The following UBE2V2 variants were observed in gnomAD, a reference collection of about 807,000 sequenced individuals.
UBE2V2 encodes ubiquitin-conjugating enzyme E2 variant 2.
A neutral mutation model predicts 17.2 loss-of-function variants in UBE2V2; 9 were observed. The observed-to-expected ratio is 0.52, with a 90% CI of 0.32 to 0.91. UBE2V2 has a LOEUF of 0.91. UBE2V2 is among the 40% of genes least tolerant of loss of function. The pLI, the probability that UBE2V2 is intolerant of heterozygous loss-of-function variation, is 0.04. For missense variants in UBE2V2, 133 were observed against 182.6 expected, an observed-to-expected ratio of 0.73 and a Z score of 1.56; for synonymous variants, 61 against 57.5, an observed-to-expected ratio of 1.06 and a Z score of -0.28.
chr8:48,020,878 C>T (rs2091299835), intron 1 of UBE2V2, among the ~76,000 whole-genome samples: 1 of 151,242 alleles, frequency 6.6e-6, no homozygotes, highest in East Asian at 1.9e-4. Context: ...GCTAGGAATG[C>T]AGGCATGTGC....
rs931467007 is a variant in UBE2V2 at position 48,045,752 on chromosome 8, GATGATCTTCT to G, written c.165+2572_165+2581del. Among the ~76,000 whole-genome samples the G allele has an allele frequency of 1.7e-4, 26 of 152,292 alleles. 2 individuals are homozygous for G. In the East Asian group the frequency reaches 2.5e-3, roughly 15 times the overall value. ...TGGAACTGGCCTCTGCTCACCACCT[GATGATCTTCT>G]CTGCATCACCTTCTCAGTTCTCTTG... is the stretch of plus-strand genomic sequence containing the variant. On this transcript the variant is annotated intron_variant, in intron 2 of 3. Coordinates refer to ENST00000523111, the MANE Select transcript of UBE2V2 (RefSeq NM_003350.3).
chr8:48,038,682 T>C (rs543243092), intron 1 of UBE2V2, among the ~76,000 whole-genome samples: 45 of 152,116 alleles, frequency 3.0e-4, no homozygotes, highest in Non-Finnish European at 3.5e-4. Context: ...GGTTTCACCA[T>C]GTTGGCCAGG....
the UBE2V2 span, among the ~76,000 whole-genome samples, chr8:47,999,397 G>A: frequency 1.7e-3 from 253 of 149,996 alleles, 1 homozygote; most frequent in Admixed American, 4.7e-3. Context: ...TTGCTCTGTC[G>A]CCAGGCTGGA....
chr8:48,017,378 CTTTT>C (rs778688669), intron 1 of UBE2V2, among the ~76,000 whole-genome samples: 2 of 142,386 alleles, frequency 1.4e-5, no homozygotes, highest in African/African-American at 2.6e-5. Flanking sequence ...TTCTCTCTCT[CTTTT>C]TTTTTTTTTT....
chr8:48,044,165 T>TGA (rs945615530), intron 2 of UBE2V2, among the ~76,000 whole-genome samples: 2 of 152,042 alleles, frequency 1.3e-5, no homozygotes, highest in Admixed American at 6.6e-5. Context: ...ATGATGATGA[T>TGA]GATGATGATT....
chr8:48,034,722 A>G (rs2091409488), intron 1 of UBE2V2: 1 of 152,224 alleles, frequency 6.6e-6, no homozygotes, highest in South Asian at 2.1e-4. Context: ...ATTTTTGTTC[A>G]GATTGCTTTT....
chr8:48,020,256 C>T (rs1299077129), intron 1 of UBE2V2, among the ~76,000 whole-genome samples: 1 of 152,092 alleles, frequency 6.6e-6, no homozygotes, highest in African/African-American at 2.4e-5. Flanking sequence ...AGGATGCTTT[C>T]AAACTCCTGG....
chr8:48,059,619 G>T (rs1354933909), intron 3 of UBE2V2, among the ~76,000 whole-genome samples: 2 of 151,690 alleles, frequency 1.3e-5, no homozygotes, highest in African/African-American at 4.8e-5. Flanking sequence ...ATCTATGTTG[G>T]CCATGCTGGT....
At chr8:48,006,118 G>C (rs566890404), upstream of UBE2V2, among the ~76,000 whole-genome samples, 3 of 152,282 alleles carry the variant, frequency 2.0e-5, no homozygotes, top group Admixed American at 6.5e-5. Flanking sequence ...TATTGCCTAG[G>C]TTTTCTTCTA....
intron 2 of UBE2V2, among the ~76,000 whole-genome samples, chr8:48,048,565 A>G (rs1296365320): frequency 6.6e-6 from 1 of 152,198 alleles, no homozygotes; most frequent in Non-Finnish European, 1.5e-5. Flanking sequence ...TCATTTTTAT[A>G]TATTGAAAGT....
intron 3 of UBE2V2, among the ~76,000 whole-genome samples, chr8:48,058,046 G>A (rs553969401): frequency 2.0e-5 from 3 of 152,158 alleles, no homozygotes; most frequent in African/African-American, 4.8e-5. Context: ...TGATGAGAAC[G>A]GGGCCAGGTG....
chr8:48,010,468 C>T (rs1277531067), intron 1 of UBE2V2, among the ~76,000 whole-genome samples: 1 of 147,316 alleles, frequency 6.8e-6, no homozygotes, highest in East Asian at 2.0e-4. Context: ...GTGGCGCGAT[C>T]TCGGCTCACT....
intron 1 of UBE2V2, chr8:48,041,624 T>C (rs2091464838): frequency 6.6e-6 from 1 of 152,164 alleles, no homozygotes; most frequent in Non-Finnish European, 1.5e-5. Flanking sequence ...CTCAAATTTA[T>C]AAGGTTTGAT....
chr8:48,054,247 C>G (rs955783236), intron 3 of UBE2V2, among the ~76,000 whole-genome samples: 1 of 152,180 alleles, frequency 6.6e-6, no homozygotes, highest in African/African-American at 2.4e-5. Context: ...CATGGACACA[C>G]CTTGAGTAGT....
the UBE2V2 span, among the ~76,000 whole-genome samples, chr8:47,999,593 C>A: frequency 6.6e-6 from 1 of 152,028 alleles, no homozygotes; most frequent in African/African-American, 2.4e-5. Context: ...ATCTCCTGAC[C>A]TTGTGATCTG....
chr8:48,037,139 A>T (rs1040166847), intron 1 of UBE2V2, among the ~76,000 whole-genome samples: 1 of 152,248 alleles, frequency 6.6e-6, no homozygotes, highest in African/African-American at 2.4e-5. Flanking sequence ...AGATCGTGCC[A>T]TTGCACTCTG....
rs1196691648 is a variant in UBE2V2, at chr8:48,061,310, T to C, written c.*482T>C. The C allele has an allele frequency of 6.6e-6, 1 of 152,636 alleles. No homozygotes were observed. Among genetic ancestry groups the C allele is most frequent in the Admixed American group, 6.5e-5 (1 of 15,288 alleles). The allele number at this position is 152,636 out of a possible 1,614,324, so 9.5% of individuals were successfully genotyped here. On this transcript the variant is annotated 3_prime_UTR_variant, in exon 4 of 4. Transcript: ENST00000523111. Reference sequence around the variant, plus strand: ...CAATGTGGGTGCTGACTACTAGTAGTATCAAAAATATGTTCAGGATTGTTT... The same window carrying C: ...CAATGTGGGTGCTGACTACTAGTAGCATCAAAAATATGTTCAGGATTGTTT...
intron 1 of UBE2V2, among the ~76,000 whole-genome samples, chr8:48,025,476 C>G (rs2091335749): frequency 6.6e-6 from 1 of 151,194 alleles, no homozygotes; most frequent in Non-Finnish European, 1.5e-5. Flanking sequence ...AAGGGTTTCA[C>G]CATATTGACC....
At chr8:48,060,067 G>A (rs987336858) in intron 3 of UBE2V2, among the ~76,000 whole-genome samples, 27 of 151,764 alleles carry the variant, frequency 1.8e-4, no homozygotes, top group African/African-American at 6.5e-4. Context: ...TTAGCCTGGC[G>A]TGGTGGCAGG....
Sources: allele counts gnomAD v4.1 joint callset (sites outside exome capture counted in the v4.1 genomes callset), GRCh38; gene constraint gnomAD v4.1.1; transcripts MANE v1.5; gene names NCBI Gene and HGNC (gene_info 2026-07-23, HGNC 2026-07-21).